The following TRPC4 variants were observed in gnomAD, a reference collection of about 807,000 sequenced individuals.
TRPC4 encodes short transient receptor potential channel 4.
A neutral mutation model predicts 99.4 loss-of-function variants in TRPC4; 49 were observed. The ratio of observed to expected loss-of-function variants is 0.49; its 90% CI spans 0.39 to 0.63. The LOEUF (loss-of-function observed/expected upper bound fraction) is 0.63, where lower values mean the gene tolerates loss of function less well. Among genes scored for constraint, TRPC4 ranks in the 20% least tolerant of loss-of-function variants. The pLI, the probability that TRPC4 is intolerant of heterozygous loss-of-function variation, is 0.00. For missense variants in TRPC4, 898 were observed against 1,152.9 expected (o/e 0.78, Z 3.20); for synonymous variants, 454 against 425.9 (o/e 1.07, Z -0.81).
chr13:37,694,135 CAT>C (rs1953828933), intron 3 of TRPC4, among the ~76,000 whole-genome samples: 1 of 152,038 alleles, frequency 6.6e-6, no homozygotes, highest in African/African-American at 2.4e-5. Context: ...ATAAAGAAAT[CAT>C]AGTCTACTAT....
intron 2 of TRPC4, among the ~76,000 whole-genome samples, chr13:37,752,125 C>T (rs1655881653): frequency 1.2e-5 from 1 of 84,506 alleles, no homozygotes; most frequent in South Asian, 3.9e-4. Flanking sequence ...ACAATAATAA[C>T]TGTAAAATCT....
chr13:37,776,793 A>G (rs1488805371), intron 2 of TRPC4, among the ~76,000 whole-genome samples: 1 of 151,944 alleles, frequency 6.6e-6, no homozygotes, highest in East Asian at 1.9e-4. Context: ...GAAGTTTTTC[A>G]GGGTAACTGA....
chr13:37,746,308 A>T lies in TRPC4; in HGVS notation c.526T>A (p.Cys176Ser). 6.2e-7 allele frequency: 1 copy of T among 1,613,862 alleles called. No individual in the cohort carries two copies. Among genetic ancestry groups the T allele is most frequent in the Non-Finnish European group, 8.5e-7 (1 of 1,179,868 alleles). ...CTGGACACGCATTCCACACAGTTACAGCGGACCTCGTGGGGTCGAGGCACT... is the reference window on the plus strand; with the variant it reads ...CTGGACACGCATTCCACACAGTTACTGCGGACCTCGTGGGGTCGAGGCACT... Reference protein sequence around the residue: ...VSVPRPHEVRCNCVECVSSSD... With the variant: ...VSVPRPHEVRSNCVECVSSSD... Residue 176 changes from cysteine (C) to serine (S), a missense_variant, in exon 3 of 11, where the codon TGT (cysteine) becomes AGT (serine). Cys to Ser is a moderately radical substitution (Grantham distance 112). This residue lies in a region of TRPC4 where 278 missense variants were observed against 346.6 expected (regional missense o/e 0.80). Transcript: ENST00000379705.
intron 1 of TRPC4, among the ~76,000 whole-genome samples, chr13:37,797,386 C>A (rs796889074): frequency 1.2e-4 from 19 of 152,144 alleles, no homozygotes; most frequent in African/African-American, 4.3e-4. Context: ...AATATGGTTT[C>A]ATTCCCAATG....
chr13:37,807,732 G>A (rs9576357), intron 1 of TRPC4, among the ~76,000 whole-genome samples: 2 of 151,742 alleles, frequency 1.3e-5, no homozygotes, highest in African/African-American at 4.8e-5. Flanking sequence ...ACTTAAAAAT[G>A]TTTCCATCCT....
chr13:37,849,783 G>A (rs1016881889), intron 1 of TRPC4, among the ~76,000 whole-genome samples: 2 of 152,204 alleles, frequency 1.3e-5, no homozygotes, highest in African/African-American at 4.8e-5. Flanking sequence ...ACCGTGCTGT[G>A]TTGGGAGCCA....
At chr13:37,736,256 C>A (rs1010562677) in intron 3 of TRPC4, among the ~76,000 whole-genome samples, 2 of 152,048 alleles carry the variant, frequency 1.3e-5, no homozygotes, top group African/African-American at 2.4e-5. Context: ...ATTCTGTGAT[C>A]CATATTGCCT....
At chr13:37,833,760 A>G (rs1230231428) in intron 1 of TRPC4, among the ~76,000 whole-genome samples, 1 of 152,032 alleles carries the variant, frequency 6.6e-6, no homozygotes, top group East Asian at 1.9e-4. Flanking sequence ...AATGCATCCT[A>G]CTCAGTCTTC....
At chr13:37,661,672 C>G (rs552067714) in intron 6 of TRPC4, among the ~76,000 whole-genome samples, 18 of 152,232 alleles carry the variant, frequency 1.2e-4, no homozygotes, top group African/African-American at 4.3e-4. Context: ...AGGAGACCAG[C>G]TGGCAGACAG....
chr13:37,865,108 A>G (rs1016591677), intron 1 of TRPC4, among the ~76,000 whole-genome samples: 9 of 151,782 alleles, frequency 5.9e-5, no homozygotes, highest in Non-Finnish European at 1.3e-4. Flanking sequence ...AAATGCATAT[A>G]TATGTTTAGT....
At chr13:37,649,052 T>C (rs1951938840) in intron 8 of TRPC4, among the ~76,000 whole-genome samples, 1 of 152,070 alleles carries the variant, frequency 6.6e-6, no homozygotes, top group Non-Finnish European at 1.5e-5. Flanking sequence ...AAAATACTCT[T>C]ATGAAAGGTA....
intron 3 of TRPC4, 129 bp downstream of exon 3, chr13:37,745,808 A>G: frequency 1.0e-6 from 1 of 991,520 alleles, no homozygotes; most frequent in Non-Finnish European, 1.5e-6. Context: ...CCGGTAGACA[A>G]TAAATGTCAT....
chr13:37,694,737 G>C (rs1056770396), intron 3 of TRPC4, among the ~76,000 whole-genome samples: 2 of 152,138 alleles, frequency 1.3e-5, no homozygotes, highest in Non-Finnish European at 2.9e-5. Flanking sequence ...ACAGACACAG[G>C]GAGGTTTTTG....
At position 37,632,956 on chromosome 13, in the gene TRPC4, G is replaced by A. The variant is rs1196582558; in HGVS notation, c.*3947C>T. On this transcript the variant is annotated 3_prime_UTR_variant, in exon 11 of 11. Transcript: ENST00000379705. ...AGTCAGTGGTCAAGGCATTTATAATGTGATGCCTCATCCAAATATCTAGAT... is the reference window on the plus strand; with the variant it reads ...AGTCAGTGGTCAAGGCATTTATAATATGATGCCTCATCCAAATATCTAGAT... Among the ~76,000 whole-genome samples the A allele has an allele frequency of 6.6e-6, 1 of 152,172 alleles. No individual in the cohort carries two copies. The highest frequency in any genetic ancestry group is 1.5e-5 in the Non-Finnish European group (1 of 68,026).
chr13:37,834,430 G>T (rs979225357), intron 1 of TRPC4, among the ~76,000 whole-genome samples: 2 of 152,094 alleles, frequency 1.3e-5, no homozygotes, highest in African/African-American at 2.4e-5. Flanking sequence ...TTTTGTTTAC[G>T]TGTGAATTAT....
At chr13:37,773,186 C>A (rs1473442041) in intron 2 of TRPC4, among the ~76,000 whole-genome samples, 1 of 151,586 alleles carries the variant, frequency 6.6e-6, no homozygotes, top group Admixed American at 6.6e-5. Context: ...TACTTCTAGA[C>A]CTGTTCAAAA....
chr13:37,847,229 C>T (rs988162357), intron 1 of TRPC4, among the ~76,000 whole-genome samples: 2 of 152,010 alleles, frequency 1.3e-5, no homozygotes, highest in Non-Finnish European at 2.9e-5. Context: ...TCAACAGCAA[C>T]AGGATTCACA....
intron 4 of TRPC4, among the ~76,000 whole-genome samples, chr13:37,681,638 G>T (rs961401792): frequency 6.6e-5 from 10 of 152,150 alleles, no homozygotes; most frequent in Admixed American, 1.3e-4. Context: ...ACCAGAGGGT[G>T]CTATTAACTA....
chr13:37,635,646 C>T lies in TRPC4; in HGVS notation c.*1257G>A, dbSNP rs17056342. On this transcript the variant is annotated 3_prime_UTR_variant, in exon 11 of 11. Transcript: ENST00000379705. ...TAATTTTATGTGGTGAAGAAACTTCCCGTAGTGGCTTAAATAGACACAAGC... is the reference window on the plus strand; with the variant it reads ...TAATTTTATGTGGTGAAGAAACTTCTCGTAGTGGCTTAAATAGACACAAGC... Among the ~76,000 whole-genome samples, 1,155 of 151,996 alleles carry T rather than the reference C, an allele frequency of 7.6e-3. 13 individuals carry two copies. Among genetic ancestry groups the T allele is most frequent in the African/African-American group, 0.026 (1,066 of 41,476 alleles).
Sources: gnomAD v4.1 joint callset for allele counts (sites outside exome capture counted in the v4.1 genomes callset) on GRCh38, gnomAD v4.1.1 for gene constraint, gnomAD v4.1.1 regional missense constraint, MANE v1.5 for transcripts, NCBI Gene and HGNC (gene_info 2026-07-23, HGNC 2026-07-21) for gene names.